The following SRCIN1 variants were observed in gnomAD, a reference collection of about 807,000 sequenced individuals.
SRCIN1 encodes P130Cas-associated protein.
In SRCIN1, 50 loss-of-function variants were observed where a neutral mutation model predicts 116.2. That is an observed-to-expected ratio of 0.43 (90% CI 0.34 to 0.54). The LOEUF is 0.54. SRCIN1 is among the 20% of genes least tolerant of loss of function. SRCIN1 has a pLI of 0.02. For synonymous variants in SRCIN1, 736 were observed against 750.0 expected, an observed-to-expected ratio of 0.98 and a Z score of 0.30; for missense variants, 1,446 against 1,672.0, an observed-to-expected ratio of 0.86 and a Z score of 2.36.
intron 11 of SRCIN1, among the ~76,000 whole-genome samples, chr17:38,556,382 C>T (rs1022137400): frequency 2.0e-5 from 3 of 151,658 alleles, no homozygotes; most frequent in African/African-American, 7.3e-5. Context: ...AGAGGCTGCA[C>T]CTAAAGGCAG....
chr17:38,535,418 G>C, intron 18 of SRCIN1, among the ~76,000 whole-genome samples: 1 of 152,106 alleles, frequency 6.6e-6, no homozygotes. Context: ...CGTTGGTCAG[G>C]TTGGTCTCAA....
Position 38,561,453 on chromosome 17 carries a change from C to A in SRCIN1, c.1700+10G>T. Reference sequence around the variant, plus strand: ...CCCCCAGTCCCTGAGGCCTGGTTAACGTCCCTCACCTGGTCTCCGTGTCCT... The same window carrying A: ...CCCCCAGTCCCTGAGGCCTGGTTAAAGTCCCTCACCTGGTCTCCGTGTCCT... On this transcript the variant is annotated intron_variant, in intron 7 of 18. Coordinates refer to ENST00000617146, the MANE Select transcript of SRCIN1 (RefSeq NM_025248.3). The A allele has an allele frequency of 2.6e-6, 4 of 1,548,322 alleles. No individual in the cohort carries two copies. Among genetic ancestry groups the A allele is most frequent in the Non-Finnish European group, 3.5e-6 (4 of 1,155,460 alleles).
upstream of SRCIN1, chr17:38,605,996 CGCGCGCGGCGCGG>C (rs1319420388): frequency 7.2e-6 from 1 of 138,150 alleles, no homozygotes; most frequent in African/African-American, 2.6e-5. Context: ...CGGGCGGGCG[CGCGCGCGGCGCGG>C]GCGCGCGCGT....
rs754365167 is a variant in SRCIN1, at chr17:38,543,809, G to T, written c.3417+14C>A. 3.1e-6 allele frequency: 5 copies of T among 1,602,606 alleles called. No homozygotes were observed. Among genetic ancestry groups the T allele is most frequent in the African/African-American group, 1.3e-5 (1 of 74,892 alleles). On this transcript the variant is annotated intron_variant, in intron 18 of 18. Coordinates refer to ENST00000617146, the MANE Select transcript of SRCIN1 (RefSeq NM_025248.3). ...AGAGTGGGCCTGGGTGGCCCCCACA[G>T]TCCCCGCCCTCACCTGCTGCTGGGC...
chr17:38,561,036 G>C (rs1283120673), intron 7 of SRCIN1, among the ~76,000 whole-genome samples: 1 of 152,178 alleles, frequency 6.6e-6, no homozygotes, highest in African/African-American at 2.4e-5. Context: ...TCCTTTCCTC[G>C]TCACCATTTT....
intron 18 of SRCIN1, among the ~76,000 whole-genome samples, chr17:38,536,836 G>A (rs72823870): frequency 0.041 from 6,272 of 152,300 alleles, 205 homozygotes; most frequent in East Asian, 0.15. Context: ...TGGGCAGTGA[G>A]ATAAGAGGTG....
chr17:38,551,783 G>C (rs1368776272), intron 14 of SRCIN1, 103 bp downstream of exon 14: 4 of 1,590,862 alleles, frequency 2.5e-6, no homozygotes, highest in Non-Finnish European at 3.4e-6. Context: ...CCTCCCCCAA[G>C]GAAAAAGACC....
chr17:38,586,502 C>T (rs1476242240), intron 1 of SRCIN1, among the ~76,000 whole-genome samples: 1 of 152,188 alleles, frequency 6.6e-6, no homozygotes, highest in African/African-American at 2.4e-5. Context: ...TCAGGGAGGT[C>T]GAGTGATCTA....
At position 38,563,983 on chromosome 17, in the gene SRCIN1, G is replaced by C. The variant is rs528640181; in HGVS notation, c.541+135C>G. Reference sequence around the variant, plus strand: ...AGATGGAGAGAGCTGGGGTTGCTTGGGGAGAAGGGGCTGTGGGAAAGAGAG... The same window carrying C: ...AGATGGAGAGAGCTGGGGTTGCTTGCGGAGAAGGGGCTGTGGGAAAGAGAG... On this transcript the variant is annotated intron_variant, in intron 4 of 18. Transcript: ENST00000617146. The surrounding 1 kb of genome is among the most constrained non-coding windows in gnomAD (Gnocchi z 5.8). 1.1e-4 allele frequency: 112 copies of C among 1,012,544 alleles called. No homozygotes were observed. The African/African-American group carries it at 1.7e-3, about 15-fold the overall frequency. The allele number at this position is 1,012,544 out of a possible 1,614,324, so 62.7% of individuals were successfully genotyped here.
At chr17:38,586,955 G>A (rs1908146442) in intron 1 of SRCIN1, among the ~76,000 whole-genome samples, 1 of 152,016 alleles carries the variant, frequency 6.6e-6, no homozygotes. Context: ...GGCTTTCCAT[G>A]GGGAGAGCAG....
At chr17:38,548,419 T>C (rs951822916) in intron 17 of SRCIN1, 138 bp downstream of exon 17, 2 of 999,430 alleles carry the variant, frequency 2.0e-6, no homozygotes, top group African/African-American at 3.2e-5. Flanking sequence ...GGCAAAAGGC[T>C]GGGGTCTGAA....
chr17:38,605,564 G>A, intron 1 of SRCIN1, 120 bp downstream of exon 1: 1 of 686,232 alleles, frequency 1.5e-6, no homozygotes, highest in Non-Finnish European at 2.1e-6. Flanking sequence ...GCCGGCCACC[G>A]CCTCCCCGGC....
chr17:38,549,042 G>A lies in SRCIN1; in HGVS notation c.3117+14C>T, dbSNP rs754647005. The A allele has an allele frequency of 7.6e-5, 123 of 1,613,052 alleles. No homozygotes were observed. The highest frequency in any genetic ancestry group is 9.9e-5 in the Non-Finnish European group (117 of 1,179,620). The stretch of plus-strand genomic sequence containing the variant: ...CTCAGTCCCCTGGCCCTCTGTCTGA[G>A]GTGGGAGTGGTACCTTGATGAAGGC... On this transcript the variant is annotated intron_variant, in intron 16 of 18. Transcript: ENST00000617146.
At chr17:38,574,450 G>T (rs1266518350) in intron 2 of SRCIN1, among the ~76,000 whole-genome samples, 2 of 152,198 alleles carry the variant, frequency 1.3e-5, no homozygotes, top group Admixed American at 6.5e-5. Context: ...ACTTCATGCA[G>T]AACTTCCTGA....
At chr17:38,550,344 A>T (rs1168823609) in intron 15 of SRCIN1, among the ~76,000 whole-genome samples, 1 of 151,872 alleles carries the variant, frequency 6.6e-6, no homozygotes, top group Non-Finnish European at 1.5e-5. Flanking sequence ...AATACAAAAA[A>T]ATTAGCCGGG....
chr17:38,559,912 G>T, intron 9 of SRCIN1, 140 bp from the exon 10 acceptor site: 1 of 1,365,610 alleles, frequency 7.3e-7, no homozygotes, highest in Non-Finnish European at 1.0e-6. Context: ...CAAGTGGTCA[G>T]CCCTAACGGT....
intron 3 of SRCIN1, among the ~76,000 whole-genome samples, chr17:38,565,194 C>G (rs1877857480): frequency 6.6e-6 from 1 of 152,142 alleles, no homozygotes; most frequent in Admixed American, 6.5e-5. Context: ...ACTTTAAGAG[C>G]CTACTTTTGG....
intron 18 of SRCIN1, 70 bp from the exon 19 acceptor site, chr17:38,533,501 G>A: frequency 7.3e-7 from 1 of 1,370,720 alleles, no homozygotes; most frequent in Non-Finnish European, 9.9e-7. Flanking sequence ...CCCAGCTGAA[G>A]TTTTAAAAGT....
chr17:38,562,092 G>A lies in SRCIN1; in HGVS notation c.1071C>T (p.Ala357=). The change falls in exon 7 of 19, where the codon GCC becomes GCT. Residue 357 remains alanine, a synonymous_variant. Transcript: ENST00000617146. The surrounding 1 kb of genome is among the most constrained non-coding windows in gnomAD (Gnocchi z 4.2). ...HAAERLGGAP[A]AQGVSPSPSA... ...TGGGGCTGGGGCTGACGCCCTGGGC[G>A]GCCGGGGCGCCTCCCAGCCTCTCGG... 1 of 1,439,802 alleles carries A rather than the reference G, an allele frequency of 6.9e-7. No individual in the cohort carries two copies. The allele number at this position is 1,439,802 out of a possible 1,614,324, so 89.2% of individuals were successfully genotyped here.
Sources: gnomAD v4.1 joint callset for allele counts (sites outside exome capture counted in the v4.1 genomes callset) on GRCh38, gnomAD v4.1.1 for gene constraint, Gnocchi (gnomAD v3.1) non-coding constraint, MANE v1.5 for transcripts, NCBI Gene and HGNC (gene_info 2026-07-23, HGNC 2026-07-21) for gene names.